Variants in PDE4D observed in about 807,000 individuals in gnomAD.
PDE4D encodes the protein phosphodiesterase 4D.
PDE4D carries 24 observed loss-of-function variants against 87.4 expected under a neutral mutation model. The observed-to-expected ratio is 0.27, with a 90% CI of 0.20 to 0.39. The LOEUF (loss-of-function observed/expected upper bound fraction) is 0.39. Ranked by LOEUF, PDE4D falls within the 10% of genes least tolerant of loss-of-function variation. The pLI is 1.00. For synonymous variants in PDE4D, 384 were observed against 383.2 expected (o/e 1.00, Z -0.02); for missense variants, 714 against 1,041.0 (o/e 0.69, Z 4.32).
intron 1 of PDE4D, among the ~76,000 whole-genome samples, chr5:59,489,432 C>T (rs1805785926): frequency 6.6e-6 from 1 of 152,068 alleles, no homozygotes; most frequent in Admixed American, 6.6e-5. Flanking sequence ...GAATTATTCC[C>T]TAATTAAATG....
chr5:59,389,360 G>A (rs924196003), intron 1 of PDE4D, among the ~76,000 whole-genome samples: 1 of 151,664 alleles, frequency 6.6e-6, no homozygotes, highest in East Asian at 1.9e-4. Flanking sequence ...TCTAAGGATT[G>A]TTTAAAATAT....
chr5:59,942,264 G>A (rs997828952), intron 3 of PDE4D, among the ~76,000 whole-genome samples: 1 of 152,176 alleles, frequency 6.6e-6, no homozygotes, highest in Non-Finnish European at 1.5e-5. Context: ...ACTGGGGAGT[G>A]GGTTAAAGGA....
chr5:59,111,171 T>C (rs17721878), intron 5 of PDE4D, among the ~76,000 whole-genome samples: 36,708 of 152,140 alleles, frequency 0.24, 5,525 homozygotes, highest in Non-Finnish European at 0.34. Flanking sequence ...AACTTCAATG[T>C]TTTCTCCCTT....
At position 59,079,666 on chromosome 5, in the gene PDE4D, TTAATAATAA is replaced by T. The variant is rs148255590; in HGVS notation, c.809-40704_809-40696del. ...CATAGCAGGACCCATCTCTACAAAA[TTAATAATAA>T]TAATAATAATAATAATAAGCTGGGC... On this transcript the variant is annotated intron_variant, in intron 5 of 14. Coordinates refer to ENST00000340635, the MANE Select transcript of PDE4D (RefSeq NM_001104631.2). 2.1e-3 allele frequency among the ~76,000 whole-genome samples: 313 copies of T among 146,204 alleles called. No individual in the cohort carries two copies. In the Middle Eastern group the frequency reaches 0.035, roughly 16 times the overall value.
At chr5:59,682,530 T>C (rs1238953592) in intron 1 of PDE4D, among the ~76,000 whole-genome samples, 1 of 152,220 alleles carries the variant, frequency 6.6e-6, no homozygotes, top group African/African-American at 2.4e-5. Context: ...TGTTGAAACT[T>C]AATCAGCAAT....
intron 5 of PDE4D, among the ~76,000 whole-genome samples, chr5:59,137,578 G>C (rs916958004): frequency 2.7e-5 from 4 of 150,472 alleles, no homozygotes; most frequent in South Asian, 2.1e-4. Context: ...CCAGGCTGGA[G>C]TGCAGTGGCG....
At chr5:59,980,648 A>G (rs973972883) in intron 3 of PDE4D, among the ~76,000 whole-genome samples, 8 of 152,236 alleles carry the variant, frequency 5.3e-5, no homozygotes, top group Non-Finnish European at 1.5e-5. Context: ...ACTGTGGTAT[A>G]GTATCAGTCC....
chr5:59,850,603 C>G (rs975577823), intron 1 of PDE4D, among the ~76,000 whole-genome samples: 1 of 151,916 alleles, frequency 6.6e-6, no homozygotes, highest in Non-Finnish European at 1.5e-5. Flanking sequence ...TCCAGCATGA[C>G]TGAAATACAA....
chr5:59,942,612 T>A (rs1223400444), intron 3 of PDE4D, among the ~76,000 whole-genome samples: 1 of 151,888 alleles, frequency 6.6e-6, no homozygotes, highest in African/African-American at 2.4e-5. Flanking sequence ...CACTTCAAAT[T>A]GTGAGAAATC....
intron 1 of PDE4D, among the ~76,000 whole-genome samples, chr5:59,403,703 C>T (rs12187317): frequency 0.17 from 26,281 of 152,028 alleles, 3,053 homozygotes; most frequent in African/African-American, 0.32. Context: ...TTTATTCATT[C>T]GTCTATTGAG....
At chr5:59,140,498 A>C (rs1777732817) in intron 5 of PDE4D, among the ~76,000 whole-genome samples, 1 of 152,236 alleles carries the variant, frequency 6.6e-6, no homozygotes, top group Non-Finnish European at 1.5e-5. Flanking sequence ...TGGGTTGGAA[A>C]TACAGATTCT....
intron 1 of PDE4D, among the ~76,000 whole-genome samples, chr5:60,349,256 C>T (rs934038380): frequency 4.6e-5 from 7 of 151,982 alleles, no homozygotes; most frequent in African/African-American, 1.4e-4. Context: ...GTATTAAATA[C>T]ATGAAAGAAA....
chr5:59,500,774 A>G (rs570738391), intron 1 of PDE4D, among the ~76,000 whole-genome samples: 1 of 152,282 alleles, frequency 6.6e-6, no homozygotes, highest in African/African-American at 2.4e-5. Context: ...AAATAAGAAA[A>G]TACAATAAAG....
At chr5:60,190,946 T>G (rs562478153) in intron 1 of PDE4D, among the ~76,000 whole-genome samples, 1 of 152,242 alleles carries the variant, frequency 6.6e-6, no homozygotes, top group East Asian at 1.9e-4. Context: ...ACACTGTATC[T>G]CCCAACACCA....
chr5:60,510,643 A>C (rs16878193), intron 1 of PDE4D, among the ~76,000 whole-genome samples: 11,125 of 152,278 alleles, frequency 0.073, 549 homozygotes, highest in Non-Finnish European at 0.097. Context: ...GAAGGGCAAG[A>C]GTACGGAGGG....
intron 1 of PDE4D, among the ~76,000 whole-genome samples, chr5:59,306,384 C>T (rs1279417761): frequency 6.6e-6 from 1 of 152,318 alleles, no homozygotes; most frequent in African/African-American, 2.4e-5. Context: ...AGGCCATTTA[C>T]ATTCAATGTC....
At chr5:59,927,645 G>A (rs1755436774) in intron 3 of PDE4D, among the ~76,000 whole-genome samples, 1 of 152,176 alleles carries the variant, frequency 6.6e-6, no homozygotes, top group African/African-American at 2.4e-5. Flanking sequence ...ATTCAGTGCA[G>A]GTGCTAATTA....
At chr5:59,683,611 T>A (rs1420073385) in intron 1 of PDE4D, among the ~76,000 whole-genome samples, 1 of 152,170 alleles carries the variant, frequency 6.6e-6, no homozygotes, top group Non-Finnish European at 1.5e-5. Flanking sequence ...AGTAAATATA[T>A]ATCGAGCAGA....
At chr5:60,186,523 T>C (rs376353220) in intron 1 of PDE4D, among the ~76,000 whole-genome samples, 1 of 152,166 alleles carries the variant, frequency 6.6e-6, no homozygotes, top group East Asian at 1.9e-4. Context: ...TATATTTGCA[T>C]GTGGGCTGAT....
Sources: gnomAD v4.1 joint callset for allele counts (sites outside exome capture counted in the v4.1 genomes callset) on GRCh38, gnomAD v4.1.1 for gene constraint, MANE v1.5 for transcripts, NCBI Gene and HGNC (gene_info 2026-07-23, HGNC 2026-07-21) for gene names.